Variants in RNF144A observed in about 807,000 individuals in gnomAD.
RNF144A encodes ring finger protein 144A.
A neutral mutation model predicts 38.7 loss-of-function variants in RNF144A; 11 were observed. That is an observed-to-expected ratio of 0.28 (90% CI 0.18 to 0.47). The LOEUF (loss-of-function observed/expected upper bound fraction) is 0.47, where lower values mean the gene tolerates loss of function less well. Ranked by LOEUF, RNF144A falls within the 20% of genes least tolerant of loss-of-function variation. The pLI, the probability that RNF144A is intolerant of heterozygous loss-of-function variation, is 0.99. For synonymous variants in RNF144A, 149 were observed against 143.9 expected, an observed-to-expected ratio of 1.04 and a Z score of -0.25; for missense variants, 316 against 377.2, an observed-to-expected ratio of 0.84 and a Z score of 1.34.
intron 2 of RNF144A, among the ~76,000 whole-genome samples, chr2:6,956,042 A>G (rs1219772108): frequency 6.6e-6 from 1 of 152,194 alleles, no homozygotes; most frequent in African/African-American, 2.4e-5. Context: ...AAGAGGCTAT[A>G]AAAATATTAT....
chr2:6,957,494 C>T (rs1007196320), intron 2 of RNF144A, among the ~76,000 whole-genome samples: 5 of 152,196 alleles, frequency 3.3e-5, no homozygotes, highest in Admixed American at 3.3e-4. Flanking sequence ...AACTGGTCTA[C>T]CTGATGCCCA....
intron 6 of RNF144A, among the ~76,000 whole-genome samples, chr2:7,021,484 C>G (rs1671530350): frequency 6.6e-6 from 1 of 152,184 alleles, no homozygotes; most frequent in South Asian, 2.1e-4. Context: ...GCCACACACC[C>G]CTGGTCTCCT....
chr2:7,057,117 G>A (rs2103476939), intron 6 of RNF144A, among the ~76,000 whole-genome samples: 1 of 152,282 alleles, frequency 6.6e-6, no homozygotes, highest in Admixed American at 6.5e-5. Context: ...CTTTAGTAGT[G>A]GAAAATTAGA....
chr2:6,932,469 C>G (rs1009848802), intron 1 of RNF144A, among the ~76,000 whole-genome samples: 5 of 151,738 alleles, frequency 3.3e-5, no homozygotes, highest in Non-Finnish European at 5.9e-5. Flanking sequence ...TTTTTTTTTC[C>G]TTAATATATT....
intron 3 of RNF144A, among the ~76,000 whole-genome samples, chr2:6,999,022 T>C (rs1385273642): frequency 6.6e-6 from 1 of 152,226 alleles, no homozygotes; most frequent in Non-Finnish European, 1.5e-5. Flanking sequence ...TCATTTTTGT[T>C]ATTGTTGTCT....
At chr2:6,930,565 G>A (rs771294) in intron 1 of RNF144A, among the ~76,000 whole-genome samples, 124,199 of 151,788 alleles carry the variant, frequency 0.82, 51,850 homozygotes, top group Non-Finnish European at 0.92. Context: ...TTATCTATCT[G>A]TATATACATA....
intron 2 of RNF144A, among the ~76,000 whole-genome samples, chr2:6,967,513 C>A (rs1667745481): frequency 6.6e-6 from 1 of 152,198 alleles, no homozygotes; most frequent in Non-Finnish European, 1.5e-5. Flanking sequence ...GCACCCTGCC[C>A]TGGAGCAGCC....
At chr2:6,991,663 G>A (rs1251054114) in intron 2 of RNF144A, among the ~76,000 whole-genome samples, 1 of 152,094 alleles carries the variant, frequency 6.6e-6, no homozygotes, top group East Asian at 1.9e-4. Flanking sequence ...TTGAATAATA[G>A]CAAACTATCA....
intron 8 of RNF144A, among the ~76,000 whole-genome samples, chr2:7,033,919 C>G (rs1223783525): frequency 6.6e-6 from 1 of 152,196 alleles, no homozygotes; most frequent in South Asian, 2.1e-4. Flanking sequence ...GCAGCCCTCT[C>G]CACAGGGCTA....
At chr2:6,922,258 A>T (rs1227792584) in intron 1 of RNF144A, among the ~76,000 whole-genome samples, 1 of 47,796 alleles carries the variant, frequency 2.1e-5, no homozygotes, top group Non-Finnish European at 6.4e-5. Context: ...CGAACTAGAC[A>T]TTAGCCCCGT....
At position 7,043,179 on chromosome 2, in the gene RNF144A, AG is replaced by A; in HGVS notation, c.*3423del. On this transcript the variant is annotated 3_prime_UTR_variant, in exon 9 of 9. Transcript: ENST00000320892. ...CACCCCACCCGGCCTATTTTCTTAA[AG>A]GGGAACAAATGATCTTGACAACATA... 3.0e-6 allele frequency: 3 copies of A among 985,394 alleles called. No homozygotes were observed. The highest frequency in any genetic ancestry group is 3.6e-6 in the Non-Finnish European group (3 of 829,930). The allele number at this position is 985,394 out of a possible 1,614,324, so 61.0% of individuals were successfully genotyped here.
intron 2 of RNF144A, among the ~76,000 whole-genome samples, chr2:6,965,952 G>A (rs1005317558): frequency 3.3e-5 from 5 of 152,056 alleles, no homozygotes; most frequent in African/African-American, 4.8e-5. Flanking sequence ...AAAAAAGACC[G>A]CTCCTCACCC....
intron 8 of RNF144A, among the ~76,000 whole-genome samples, chr2:7,034,115 G>A (rs1306389502): frequency 6.6e-6 from 1 of 152,124 alleles, no homozygotes; most frequent in Non-Finnish European, 1.5e-5. Flanking sequence ...TTCAAAGACA[G>A]GAAGAACTGT....
chr2:6,964,605 C>T (rs1253935172), intron 2 of RNF144A, among the ~76,000 whole-genome samples: 8 of 152,230 alleles, frequency 5.3e-5, no homozygotes, highest in African/African-American at 9.6e-5. Context: ...ATTAAGAAAA[C>T]GTGGCACATA....
chr2:6,957,307 G>A (rs78985473), intron 2 of RNF144A, among the ~76,000 whole-genome samples: 3,053 of 152,306 alleles, frequency 0.02, 98 homozygotes, highest in African/African-American at 0.07. Context: ...CATCTGCTCC[G>A]GTGTTGAGAG....
At chr2:6,965,492 AC>A (rs1475284491) in intron 2 of RNF144A, among the ~76,000 whole-genome samples, 1 of 152,180 alleles carries the variant, frequency 6.6e-6, no homozygotes, top group African/African-American at 2.4e-5. Flanking sequence ...AGTTTAAGGG[AC>A]CAGTGCCTTC....
Position 6,953,069 on chromosome 2 carries a change from C to T in RNF144A, c.-12+11922C>T, listed in dbSNP as rs886977574. On this transcript the variant is annotated intron_variant, in intron 2 of 8. Coordinates refer to ENST00000320892, the MANE Select transcript of RNF144A (RefSeq NM_014746.6). ...GCTATAGTTGCTTTTCTTACTTTTTCAGCTAAAAACAGCTCAATAATTTTT... is the reference window on the plus strand; with the variant it reads ...GCTATAGTTGCTTTTCTTACTTTTTTAGCTAAAAACAGCTCAATAATTTTT... Among the ~76,000 whole-genome samples the T allele has an allele frequency of 2.0e-5, 3 of 152,070 alleles. No homozygotes were observed. In the East Asian group the frequency reaches 5.8e-4, roughly 29 times the overall value.
chr2:7,010,172 G>A (rs1197471409), intron 3 of RNF144A, among the ~76,000 whole-genome samples: 1 of 152,170 alleles, frequency 6.6e-6, no homozygotes, highest in Admixed American at 6.5e-5. Context: ...CTGTCTCCGG[G>A]GTACTGGAGC....
intron 2 of RNF144A, among the ~76,000 whole-genome samples, chr2:6,993,914 T>A (rs1669556196): frequency 6.6e-6 from 1 of 152,130 alleles, no homozygotes; most frequent in Non-Finnish European, 1.5e-5. Context: ...TCTAATATAT[T>A]GCTTCTTACT....
Sources: allele counts gnomAD v4.1 joint callset (sites outside exome capture counted in the v4.1 genomes callset), GRCh38; gene constraint gnomAD v4.1.1; transcripts MANE v1.5; gene names NCBI Gene and HGNC (gene_info 2026-07-23, HGNC 2026-07-21).